The following OTOF variants were observed in gnomAD, a reference collection of about 807,000 sequenced individuals.
OTOF encodes the protein otoferlin, also known as fer-1-like family member 2.
In OTOF, 218 loss-of-function variants were observed where a neutral mutation model predicts 236.8. The observed-to-expected ratio is 0.92, with a 90% CI of 0.82 to 1.03. The LOEUF is 1.03. Among genes scored for constraint, OTOF ranks in the 50% least tolerant of loss-of-function variants. OTOF has a pLI of 0.00. For synonymous variants in OTOF, 1,041 were observed against 1,072.5 expected (o/e 0.97, Z 0.57); for missense variants, 2,590 against 2,694.4 (o/e 0.96, Z 0.86).
At position 26,489,275 on chromosome 2, in the gene OTOF, C is replaced by T. The variant is rs1484166482; in HGVS notation, c.981G>A (p.Leu327=). 3.1e-6 allele frequency: 5 copies of T among 1,612,772 alleles called. No individual in the cohort carries two copies. Among genetic ancestry groups the T allele is most frequent in the Non-Finnish European group, 4.2e-6 (5 of 1,179,756 alleles). ...IKISVIHSKN[L]LRSGTLVGSF... is the part of the protein sequence containing the mutation. The stretch of plus-strand genomic sequence containing the variant: ...AGCCCACCAGGGTGCCACTGCGCAG[C>T]AGGTTCTTGGAGTGAATCACCTTTC... The change falls in exon 11 of 47, where the codon CTG becomes CTA. Residue 327 remains leucine (L), a synonymous_variant. Transcript: ENST00000272371.
intron 1 of OTOF, among the ~76,000 whole-genome samples, chr2:26,557,281 G>A (rs1667615937): frequency 6.6e-6 from 1 of 152,104 alleles, no homozygotes; most frequent in Non-Finnish European, 1.5e-5. Context: ...AGTATAGGGG[G>A]GTCCTCTCTG....
intron 3 of OTOF, among the ~76,000 whole-genome samples, chr2:26,521,329 G>A (rs1186737922): frequency 1.3e-5 from 2 of 152,210 alleles, no homozygotes; most frequent in Non-Finnish European, 2.9e-5. Flanking sequence ...CCTAAGAACA[G>A]CCAAGGCAGC....
rs575226865 is a variant in OTOF, at chr2:26,474,785, C to A, written c.3127-111G>T. ...TTGTTGTAAGGGACAGGTGTGATCACCCCATTTTACAGATGAGGAAACCAA... is the reference window on the plus strand; with the variant it reads ...TTGTTGTAAGGGACAGGTGTGATCAACCCATTTTACAGATGAGGAAACCAA... On this transcript the variant is annotated intron_variant, in intron 25 of 46. Transcript: ENST00000272371. The A allele has an allele frequency of 3.2e-4, 385 of 1,214,552 alleles. 4 individuals are homozygous for A. In the South Asian group the frequency reaches 4.5e-3, roughly 14 times the overall value. 75.2% of individuals were successfully genotyped at this position (1,214,552 alleles called of 1,614,324 possible). A position where few individuals can be genotyped will look rare whatever the true frequency, so the allele number is the denominator to read the frequency against.
At chr2:26,487,172 C>T (rs1044491962) in intron 11 of OTOF, among the ~76,000 whole-genome samples, 1 of 152,196 alleles carries the variant, frequency 6.6e-6, no homozygotes, top group Non-Finnish European at 1.5e-5. Flanking sequence ...GAGATATCGA[C>T]ACCACCCAAA....
At chr2:26,558,466 G>A (rs201714974) in intron 1 of OTOF, 27 bp downstream of exon 1, 289 of 1,595,924 alleles carry the variant, frequency 1.8e-4, no homozygotes, top group Non-Finnish European at 2.2e-4. Flanking sequence ...CAGAGCTGGC[G>A]TCCCTCTGAG....
At chr2:26,459,950 G>GTA (rs1553347347) in intron 46 of OTOF, 58 bp downstream of exon 46, 2 of 1,480,896 alleles carry the variant, frequency 1.4e-6, no homozygotes, top group Non-Finnish European at 9.2e-7. Context: ...GTATATGTGT[G>GTA]TGTGTGCACG....
intron 5 of OTOF, among the ~76,000 whole-genome samples, chr2:26,507,042 T>G (rs900795066): frequency 3.9e-5 from 6 of 152,186 alleles, no homozygotes; most frequent in Non-Finnish European, 7.4e-5. Flanking sequence ...TACTACACCT[T>G]GAAGCAATTG....
chr2:26,531,527 T>G (rs554234101), intron 2 of OTOF, among the ~76,000 whole-genome samples: 1 of 152,354 alleles, frequency 6.6e-6, no homozygotes, highest in East Asian at 1.9e-4. Context: ...TGTGCAGGTC[T>G]GCAACTGCCT....
chr2:26,489,083 A>G, intron 11 of OTOF, 128 bp downstream of exon 11: 1 of 731,602 alleles, frequency 1.4e-6, no homozygotes, highest in South Asian at 1.5e-5. Flanking sequence ...GGCTGTGTGT[A>G]CTAACAGTCG....
At chr2:26,500,330 G>A (rs768964443) in intron 8 of OTOF, among the ~76,000 whole-genome samples, 2 of 152,182 alleles carry the variant, frequency 1.3e-5, no homozygotes, top group African/African-American at 2.4e-5. Flanking sequence ...ACAGTGCCTG[G>A]CATAGAATAA....
chr2:26,478,011 G>T, intron 18 of OTOF: 13 of 1,448,870 alleles, frequency 9.0e-6, no homozygotes, highest in Non-Finnish European at 1.2e-5. Context: ...TGTGGCTCTG[G>T]TGAGCTCACA....
chr2:26,476,079 C>G (rs1351402875), intron 23 of OTOF, 41 bp from the exon 24 acceptor site: 1 of 1,611,410 alleles, frequency 6.2e-7, no homozygotes, highest in African/African-American at 1.3e-5. Flanking sequence ...ATGGGCAGCC[C>G]CTCCGGCCCC....
At chr2:26,471,063 A>G in intron 31 of OTOF, 58 bp downstream of exon 31, 4 of 1,598,740 alleles carry the variant, frequency 2.5e-6, no homozygotes, top group Non-Finnish European at 3.4e-6. Context: ...TTGGCCTGAC[A>G]TCATTGCCAA....
At chr2:26,518,825 A>C (rs1666601229) in intron 4 of OTOF, among the ~76,000 whole-genome samples, 185 bp downstream of exon 4, 1 of 152,236 alleles carries the variant, frequency 6.6e-6, no homozygotes, top group African/African-American at 2.4e-5. Flanking sequence ...GCCATGCCAC[A>C]GGGCCTCCAG....
rs1023630788 is a variant in OTOF, at chr2:26,537,709, C to T, written c.138+7G>A. 3.2e-6 allele frequency: 5 copies of T among 1,551,548 alleles called. No individual in the cohort carries two copies. The highest frequency in any genetic ancestry group is 4.4e-6 in the Non-Finnish European group (5 of 1,146,236). ...GCTGAGGGAGGGGGGAGTCTTGGGCCTCCTACCTCATCAAAGTCAGCCACA... is the reference window on the plus strand; with the variant it reads ...GCTGAGGGAGGGGGGAGTCTTGGGCTTCCTACCTCATCAAAGTCAGCCACA... On this transcript the variant is annotated splice_region_variant and intron_variant, in intron 2 of 46. Coordinates refer to ENST00000272371, the MANE Select transcript of OTOF (RefSeq NM_194248.3).
chr2:26,471,079 G>C (rs1664952878), intron 31 of OTOF, 42 bp downstream of exon 31: 2 of 1,611,058 alleles, frequency 1.2e-6, no homozygotes, highest in Non-Finnish European at 1.7e-6. Context: ...GCCAATAAAG[G>C]ACCCTCTCAC....
rs974748204 is a variant in OTOF, at chr2:26,554,145, C to G, written c.79+4348G>C. ...GAGATCGCACTGCACTGCACTCCAG[C>G]CTGGCGACAGAGCGAGACTCAAAAA... On this transcript the variant is annotated intron_variant, in intron 1 of 46. Transcript: ENST00000272371. Among the ~76,000 whole-genome samples the G allele has an allele frequency of 4.4e-5, 6 of 136,694 alleles. No homozygotes were observed. The East Asian group carries it at 1.2e-3, about 28-fold the overall frequency. The allele number at this position is 136,694 out of a possible 152,430, so 89.7% of individuals were successfully genotyped here.
At chr2:26,474,140 T>C in intron 26 of OTOF, 30 bp from the exon 27 acceptor site, 1 of 1,612,306 alleles carries the variant, frequency 6.2e-7, no homozygotes, top group Non-Finnish European at 8.5e-7. Flanking sequence ...GGTCACACAC[T>C]GGGGAGCCCA....
Position 26,512,697 on chromosome 2 carries a change from C to T in OTOF, c.509+3721G>A, listed in dbSNP as rs574922288. ...AGAGCCCTTGGTATAGGGTGGGGAG[C>T]AAGAGCTGAGAAGGTGCTTGGACAG... On this transcript the variant is annotated intron_variant, in intron 5 of 46. Coordinates refer to ENST00000272371, the MANE Select transcript of OTOF (RefSeq NM_194248.3). 2.6e-5 allele frequency among the ~76,000 whole-genome samples: 4 copies of T among 152,266 alleles called. No homozygotes were observed. In the South Asian group the frequency reaches 8.3e-4, roughly 32 times the overall value.
Sources: allele counts gnomAD v4.1 joint callset (sites outside exome capture counted in the v4.1 genomes callset), GRCh38; gene constraint gnomAD v4.1.1; transcripts MANE v1.5; gene names NCBI Gene and HGNC (gene_info 2026-07-23, HGNC 2026-07-21).